Variants in DMD observed in about 807,000 individuals in gnomAD.
DMD encodes dystrophin.
Under a neutral mutation model 330.1 loss-of-function variants are expected in DMD, and 63 were observed. The ratio of observed to expected loss-of-function variants is 0.19; its 90% CI spans 0.16 to 0.24. The LOEUF is 0.24. Ranked by LOEUF, DMD falls within the 10% of genes least tolerant of loss-of-function variation. DMD has a pLI of 1.00. For synonymous variants in DMD, 1,223 were observed against 959.8 expected (o/e 1.27, Z -5.07); for missense variants, 3,344 against 2,684.1 (o/e 1.25, Z -5.43).
chrX:33,239,977 G>T (rs894779556), intron 1 of DMD, among the ~76,000 whole-genome samples: 1 of 110,340 alleles, frequency 9.1e-6, no homozygotes, highest in Non-Finnish European at 1.9e-5. Context: ...TAAAGTGCAG[G>T]AAAACATAAG....
chrX:32,225,335 TG>T (rs1179616934), intron 43 of DMD, among the ~76,000 whole-genome samples: 2 of 111,354 alleles, frequency 1.8e-5, no homozygotes, highest in Non-Finnish European at 3.8e-5. Flanking sequence ...AAACAAGTGG[TG>T]GGTGTAATTG....
At chrX:33,021,330 A>G (rs1259880107) in intron 1 of DMD, among the ~76,000 whole-genome samples, 2 of 104,328 alleles carry the variant, frequency 1.9e-5, no homozygotes, top group Non-Finnish European at 3.9e-5. Context: ...AAAATCATCA[A>G]TCTTGATATA....
intron 12 of DMD, among the ~76,000 whole-genome samples, chrX:32,611,257 A>T (rs2057150173): frequency 9.0e-6 from 1 of 110,861 alleles, no homozygotes; most frequent in Non-Finnish European, 1.9e-5. Context: ...CTGTCAAAAA[A>T]AAGAGTGCTC....
chrX:32,744,176 G>A (rs1363671089), intron 7 of DMD, among the ~76,000 whole-genome samples: 1 of 109,594 alleles, frequency 9.1e-6, no homozygotes, highest in Non-Finnish European at 1.9e-5. Context: ...CTTCTAGGAA[G>A]GATAACCATT....
intron 13 of DMD, among the ~76,000 whole-genome samples, chrX:32,574,486 T>C (rs1449454734): frequency 8.9e-6 from 1 of 112,062 alleles, no homozygotes; most frequent in Non-Finnish European, 1.9e-5. Context: ...TATTTTAATA[T>C]GTAACATAAA....
chrX:32,468,260 A>G (rs2040256859), intron 23 of DMD, among the ~76,000 whole-genome samples: 1 of 110,948 alleles, frequency 9.0e-6, no homozygotes, highest in Admixed American at 9.6e-5. Context: ...TTTAATTCCT[A>G]TTGGTAATGG....
At chrX:31,384,600 C>T (rs1336572501) in intron 60 of DMD, among the ~76,000 whole-genome samples, 1 of 111,719 alleles carries the variant, frequency 9.0e-6, no homozygotes, top group African/African-American at 3.3e-5. Context: ...GAGTGTCCAA[C>T]AGTATGCTGC....
At position 32,267,071 on chromosome X, in the gene DMD, G is replaced by C. The variant is rs1051006827; in HGVS notation, c.6290+20458C>G. Reference sequence around the variant, plus strand: ...AAGTTCCACCATTCCTAATGCCCCAGATTTGCCACTGTTGTTTCCTTATTA... The same window carrying C: ...AAGTTCCACCATTCCTAATGCCCCACATTTGCCACTGTTGTTTCCTTATTA... On this transcript the variant is annotated intron_variant, in intron 43 of 78. Transcript: ENST00000357033. Among the ~76,000 whole-genome samples the C allele has an allele frequency of 8.0e-5, 9 of 112,237 alleles. No homozygotes were observed. In the East Asian group the frequency reaches 2.5e-3, roughly 31 times the overall value.
intron 2 of DMD, among the ~76,000 whole-genome samples, chrX:32,970,566 G>A (rs149681049): frequency 0.015 from 1,411 of 92,841 alleles, 318 homozygotes; most frequent in African/African-American, 0.065. Flanking sequence ...CCCGGGAGGC[G>A]GAGGTTGCAG....
At chrX:31,925,661 C>T (rs1007774752) in intron 47 of DMD, among the ~76,000 whole-genome samples, 2 of 110,610 alleles carry the variant, frequency 1.8e-5, no homozygotes, top group East Asian at 2.8e-4. Flanking sequence ...CACCTGAGGT[C>T]GGGAGTTTAA....
At chrX:32,837,472 C>G (rs769394765) in intron 4 of DMD, among the ~76,000 whole-genome samples, 1 of 111,132 alleles carries the variant, frequency 9.0e-6, no homozygotes, top group East Asian at 2.9e-4. Flanking sequence ...GCTCTCCCAA[C>G]ATGAGGGATT....
chrX:32,832,219 T>G (rs987460967), intron 4 of DMD, among the ~76,000 whole-genome samples: 1 of 111,509 alleles, frequency 9.0e-6, no homozygotes, highest in African/African-American at 3.3e-5. Flanking sequence ...TAACTAGATA[T>G]GAAATGGTAC....
At chrX:32,545,087 C>T in intron 17 of DMD, 72 bp downstream of exon 17, 2 of 1,048,255 alleles carry the variant, frequency 1.9e-6, no homozygotes, top group Non-Finnish European at 2.7e-6. Flanking sequence ...GAAGTGAAAA[C>T]ACCACCAACA....
chrX:32,406,103 G>C (rs1308751081), intron 30 of DMD, among the ~76,000 whole-genome samples: 1 of 111,758 alleles, frequency 8.9e-6, no homozygotes, highest in African/African-American at 3.3e-5. Flanking sequence ...CATTGATTTT[G>C]CATGCTGAGA....
At chrX:32,723,757 C>T (rs993617549) in intron 7 of DMD, among the ~76,000 whole-genome samples, 8 of 110,472 alleles carry the variant, frequency 7.2e-5, no homozygotes, top group Non-Finnish European at 1.5e-4. Flanking sequence ...TATATCGTAA[C>T]ATCTTGTACC....
At chrX:33,135,634 T>C (rs763940675) in intron 1 of DMD, among the ~76,000 whole-genome samples, 2 of 112,069 alleles carry the variant, frequency 1.8e-5, no homozygotes, top group Non-Finnish European at 1.9e-5. Context: ...GTATTATTCT[T>C]AGTGGTTAAA....
chrX:32,804,150 G>A (rs1358924349), intron 7 of DMD, among the ~76,000 whole-genome samples: 3 of 111,417 alleles, frequency 2.7e-5, no homozygotes, highest in Non-Finnish European at 3.8e-5. Context: ...CTGGAAAGGG[G>A]GCTGAAACCA....
At chrX:31,344,037 C>CGGGGGG (rs58479792) in intron 61 of DMD, among the ~76,000 whole-genome samples, 3 of 83,222 alleles carry the variant, frequency 3.6e-5, no homozygotes, top group African/African-American at 1.3e-4. Flanking sequence ...GATTGGAGTG[C>CGGGGGG]GGGGGGGGGT....
chrX:33,195,357 G>A (rs1005818187), intron 1 of DMD, among the ~76,000 whole-genome samples: 1 of 111,454 alleles, frequency 9.0e-6, no homozygotes, highest in Non-Finnish European at 1.9e-5. Flanking sequence ...ACTGGACTTA[G>A]AGCTCCTGTG....
Sources: allele counts gnomAD v4.1 joint callset (sites outside exome capture counted in the v4.1 genomes callset), GRCh38; gene constraint gnomAD v4.1.1; transcripts MANE v1.5; gene names NCBI Gene and HGNC (gene_info 2026-07-23, HGNC 2026-07-21).